The following DLGAP1 variants were observed in gnomAD, a reference collection of about 807,000 sequenced individuals.
The protein encoded by DLGAP1 is disks large-associated protein 1.
DLGAP1 carries 11 observed loss-of-function variants against 90.8 expected under a neutral mutation model. That is an observed-to-expected ratio of 0.12 (90% CI 0.08 to 0.20). DLGAP1 has a LOEUF of 0.20. Among genes scored for constraint, DLGAP1 ranks in the 10% least tolerant of loss-of-function variants. The pLI, the probability that DLGAP1 is intolerant of heterozygous loss-of-function variation, is 1.00. For synonymous variants in DLGAP1, 558 were observed against 540.7 expected (o/e 1.03, Z -0.44); for missense variants, 1,050 against 1,333.8 (o/e 0.79, Z 3.31).
chr18:4,435,837 T>C (rs996275154), intron 1 of DLGAP1, among the ~76,000 whole-genome samples: 1 of 152,176 alleles, frequency 6.6e-6, no homozygotes, highest in Non-Finnish European at 1.5e-5. Flanking sequence ...GTTAGCATCA[T>C]GTCACACATA....
chr18:3,939,323 G>A (rs1409361474), intron 3 of DLGAP1, among the ~76,000 whole-genome samples: 2 of 148,956 alleles, frequency 1.3e-5, no homozygotes, highest in South Asian at 4.3e-4. Context: ...GAAGGCTGAG[G>A]CACAAATCAC....
intron 1 of DLGAP1, among the ~76,000 whole-genome samples, chr18:4,420,250 C>A (rs2320214): frequency 0.27 from 41,236 of 152,086 alleles, 6,413 homozygotes; most frequent in East Asian, 0.36. Flanking sequence ...CAACACTTTT[C>A]TCTCATAATT....
At chr18:4,228,339 T>C (rs934147074) in intron 1 of DLGAP1, among the ~76,000 whole-genome samples, 1 of 152,104 alleles carries the variant, frequency 6.6e-6, no homozygotes, top group Non-Finnish European at 1.5e-5. Flanking sequence ...AACCTCATTC[T>C]ATGAGATCAG....
At chr18:4,370,067 G>A (rs1406655178) in intron 1 of DLGAP1, among the ~76,000 whole-genome samples, 2 of 152,102 alleles carry the variant, frequency 1.3e-5, no homozygotes, top group African/African-American at 2.4e-5. Flanking sequence ...AGAGAAAAAA[G>A]GCAAAGACTC....
chr18:3,791,594 A>C (rs780710463), intron 5 of DLGAP1, among the ~76,000 whole-genome samples: 35 of 152,330 alleles, frequency 2.3e-4, no homozygotes, highest in Non-Finnish European at 3.4e-4. Context: ...TTATTCAGAC[A>C]AAAACACAAT....
chr18:4,080,607 A>G (rs1017567549), intron 2 of DLGAP1, among the ~76,000 whole-genome samples: 7 of 152,202 alleles, frequency 4.6e-5, no homozygotes, highest in Admixed American at 6.5e-5. Context: ...ATACCTTTAA[A>G]GGTCTAAAAG....
At chr18:3,716,518 A>AC (rs2061766742) in intron 7 of DLGAP1, among the ~76,000 whole-genome samples, 1 of 149,608 alleles carries the variant, frequency 6.7e-6, no homozygotes, top group Admixed American at 6.8e-5. Flanking sequence ...CCTGGGTGAC[A>AC]CAGTGAGACC....
intron 1 of DLGAP1, among the ~76,000 whole-genome samples, chr18:4,204,858 T>G (rs111635773): frequency 2.0e-5 from 3 of 148,038 alleles, no homozygotes; most frequent in African/African-American, 7.6e-5. Flanking sequence ...TGGTGGTAAC[T>G]GAGGTGAGCC....
chr18:4,150,649 G>T (rs1378638979), intron 2 of DLGAP1, among the ~76,000 whole-genome samples: 1 of 152,188 alleles, frequency 6.6e-6, no homozygotes, highest in Admixed American at 6.5e-5. Flanking sequence ...GGCCAGGCTG[G>T]TCTCAAACTC....
chr18:4,079,500 T>C (rs930908325), intron 2 of DLGAP1, among the ~76,000 whole-genome samples: 9 of 151,858 alleles, frequency 5.9e-5, no homozygotes, highest in Admixed American at 5.3e-4. Flanking sequence ...CACAAAGGCA[T>C]AGCGAGTGGC....
At chr18:4,158,718 C>T (rs2076797246) in intron 1 of DLGAP1, among the ~76,000 whole-genome samples, 1 of 152,124 alleles carries the variant, frequency 6.6e-6, no homozygotes, top group African/African-American at 2.4e-5. Flanking sequence ...AATTTGATTT[C>T]TAATTTAATT....
At chr18:4,328,961 T>C (rs625509) in intron 1 of DLGAP1, among the ~76,000 whole-genome samples, 49,026 of 151,774 alleles carry the variant, frequency 0.32, 8,299 homozygotes, top group African/African-American at 0.43. Context: ...ATATGCTCTT[T>C]AAATATATTC....
intron 1 of DLGAP1, among the ~76,000 whole-genome samples, chr18:4,381,076 A>T (rs1034348002): frequency 6.6e-6 from 1 of 151,982 alleles, no homozygotes; most frequent in Non-Finnish European, 1.5e-5. Flanking sequence ...AGTATCACCC[A>T]GGTGGTTAAC....
chr18:3,921,423 G>T (rs1372614050), intron 3 of DLGAP1, among the ~76,000 whole-genome samples: 1 of 152,206 alleles, frequency 6.6e-6, no homozygotes, highest in African/African-American at 2.4e-5. Flanking sequence ...AGAAAGCATG[G>T]TGTGGTGGAA....
chr18:3,879,184 G>A lies in DLGAP1; in HGVS notation c.885C>T (p.Ala295=), dbSNP rs764682641. ...CCATGGCCTGGTCCATGTTCACCGA[G>A]GCCTTCTGGTAAACCTCCCGGGCCC... ...VSRAREVYQK[A]SVNMDQAMVK... is the part of the protein sequence containing the mutation. The change falls in exon 4 of 13, where the codon GCC becomes GCT. Residue 295 remains alanine, a synonymous_variant. Transcript: ENST00000315677. This position sits in a 1 kb window ranked among gnomAD's most constrained non-coding sequence, Gnocchi z 6.6. The A allele has an allele frequency of 2.2e-5, 34 of 1,527,430 alleles. No homozygotes were observed. In the Admixed American group the frequency reaches 6.0e-4, roughly 27 times the overall value. 94.6% of individuals were successfully genotyped at this position (1,527,430 alleles called of 1,614,324 possible).
intron 9 of DLGAP1, among the ~76,000 whole-genome samples, chr18:3,555,532 C>T (rs964998112): frequency 1.3e-5 from 2 of 152,004 alleles, no homozygotes; most frequent in East Asian, 1.9e-4. Flanking sequence ...AATTTGAGGC[C>T]GGGGGCAGTG....
chr18:4,080,430 GT>G (rs1453795584), intron 2 of DLGAP1, among the ~76,000 whole-genome samples: 1 of 152,152 alleles, frequency 6.6e-6, no homozygotes, highest in African/African-American at 2.4e-5. Context: ...CCAAAATATA[GT>G]TCTTTGACAT....
At chr18:4,194,630 A>T (rs1193326939) in intron 1 of DLGAP1, among the ~76,000 whole-genome samples, 1 of 152,152 alleles carries the variant, frequency 6.6e-6, no homozygotes, top group African/African-American at 2.4e-5. Context: ...TTTTCAGCTA[A>T]CATCTATTTA....
At chr18:3,544,220 C>G (rs1241870641) in intron 9 of DLGAP1, among the ~76,000 whole-genome samples, 1 of 152,106 alleles carries the variant, frequency 6.6e-6, no homozygotes, top group East Asian at 1.9e-4. Context: ...CGAAACCTGT[C>G]TCTACTAAAA....
Sources: gnomAD v4.1 joint callset for allele counts (sites outside exome capture counted in the v4.1 genomes callset) on GRCh38, gnomAD v4.1.1 for gene constraint, Gnocchi (gnomAD v3.1) non-coding constraint, MANE v1.5 for transcripts, NCBI Gene and HGNC (gene_info 2026-07-23, HGNC 2026-07-21) for gene names.